Variants in TMEM275 observed in about 807,000 individuals in gnomAD.
TMEM275 encodes the protein transmembrane protein 275.
At chr1:46,534,942 ATACTT>A (rs1218460998) in intron 1 of TMEM275, among the ~76,000 whole-genome samples, 164 bp downstream of exon 1, 1 of 152,206 alleles carries the variant, frequency 6.6e-6, no homozygotes, top group Non-Finnish European at 1.5e-5. Context: ...TGATAATTAA[ATACTT>A]TAAGCTAAAT....
exon 2 of TMEM275, chr1:46,532,956 G>T: frequency 2.5e-6 from 1 of 395,618 alleles, no homozygotes; most frequent in South Asian, 1.3e-4. Flanking sequence ...GAAGGGGAAT[G>T]AACCCGGACA....
Position 46,534,049 on chromosome 1 carries a change from G to C in TMEM275, c.-123-399C>G, listed in dbSNP as rs1240666502. 6.6e-6 allele frequency among the ~76,000 whole-genome samples: 1 copy of C among 152,218 alleles called. No individual in the cohort carries two copies. Among genetic ancestry groups the C allele is most frequent in the East Asian group, 1.9e-4 (1 of 5,178 alleles). Reference sequence around the variant, plus strand: ...CGTCTTCAGTAGTCCTAACTAGTAAGGCAAATGGCAGCTCTTGGGATTTAG... The same window carrying C: ...CGTCTTCAGTAGTCCTAACTAGTAACGCAAATGGCAGCTCTTGGGATTTAG... On this transcript the variant is annotated intron_variant, in intron 1 of 1. Transcript: ENST00000634804.
In TMEM275 at chr1:46,533,566, G is replaced by A. The variant is rs116078607; in HGVS notation, c.-39C>T. ...CCAGGCACGCATCAAGCTCCCTCCT[G>A]CCGCCGGCCCGGAACAGCCCAACTG... is the stretch of plus-strand genomic sequence containing the variant. On this transcript the variant is annotated 5_prime_UTR_variant, in exon 2 of 2. Coordinates refer to ENST00000634804, the Ensembl canonical transcript of TMEM275. The surrounding 1 kb of genome is among the most constrained non-coding windows in gnomAD (Gnocchi z 4.4). 74,736 of 386,088 alleles carry A rather than the reference G, an allele frequency of 0.19. 7,469 individuals are homozygous for A. The highest frequency in any genetic ancestry group is 0.26 in the Admixed American group (5,800 of 22,302). 23.9% of individuals were successfully genotyped at this position (386,088 alleles called of 1,614,324 possible).
chr1:46,533,828 C>T lies in TMEM275; in HGVS notation c.-123-178G>A, dbSNP rs1174281340. ...TGTGAAGAATCGACTTGTTTCCCCA[C>T]CTAGTTCCGGGGGTCCCTCGTGGCC... On this transcript the variant is annotated intron_variant, in intron 1 of 1. Coordinates refer to ENST00000634804, the Ensembl canonical transcript of TMEM275. The surrounding 1 kb of genome is among the most constrained non-coding windows in gnomAD (Gnocchi z 4.4). Among the ~76,000 whole-genome samples the T allele has an allele frequency of 6.6e-6, 1 of 152,212 alleles. No individual in the cohort carries two copies. Among genetic ancestry groups the T allele is most frequent in the Non-Finnish European group, 1.5e-5 (1 of 68,040 alleles).
At position 46,533,012 on chromosome 1, in the gene TMEM275, C is replaced by A. The variant is rs1329706773; in HGVS notation, c.516G>T (p.Arg172=). ...TGGTCCGCTAGGGGGCGGCGCGCGC[C>A]CGGGGTGGGTTGAGCTGGACTCCTT... Residue 172 remains arginine (R), a synonymous_variant, in exon 2 of 2, where the codon CGG becomes CGT. Transcript: ENST00000634804. This position sits in a 1 kb window ranked among gnomAD's most constrained non-coding sequence, Gnocchi z 4.4. 2.5e-6 allele frequency: 1 copy of A among 396,274 alleles called. No individual in the cohort carries two copies. Among genetic ancestry groups the A allele is most frequent in the African/African-American group, 2.1e-5 (1 of 48,474 alleles). 24.5% of individuals were successfully genotyped at this position (396,274 alleles called of 1,614,324 possible).
At chr1:46,534,665 C>T (rs1180098623) in intron 1 of TMEM275, among the ~76,000 whole-genome samples, 82 bp from the exon 2 acceptor site, 8 of 152,130 alleles carry the variant, frequency 5.3e-5, no homozygotes, top group South Asian at 2.1e-4. Flanking sequence ...TGTTCTATAA[C>T]GCATAAGATC....
chr1:46,534,727 T>C (rs1666715163), intron 1 of TMEM275, among the ~76,000 whole-genome samples, 144 bp from the exon 2 acceptor site: 1 of 152,112 alleles, frequency 6.6e-6, no homozygotes, highest in African/African-American at 2.4e-5. Context: ...GTGAGCTGTG[T>C]TAGAATTGTG....
chr1:46,534,259 G>T (rs1476755424), intron 1 of TMEM275, among the ~76,000 whole-genome samples, 196 bp downstream of exon 2: 4 of 152,106 alleles, frequency 2.6e-5, no homozygotes, highest in African/African-American at 4.8e-5. Flanking sequence ...ACTCCGGTAG[G>T]CATAGCAATG....
chr1:46,533,529 G>A lies in TMEM275; in HGVS notation c.-2C>T. On this transcript the variant is annotated 5_prime_UTR_variant, in exon 2 of 2. Coordinates refer to ENST00000634804, the Ensembl canonical transcript of TMEM275. The surrounding 1 kb of genome is among the most constrained non-coding windows in gnomAD (Gnocchi z 4.4). ...CTCGCTCTTTTCTGCCGGCGGCATC[G>A]GCCTGCGCACGCCAGGCACGCATCA... The A allele has an allele frequency of 5.1e-6, 2 of 388,560 alleles. No homozygotes were observed. The highest frequency in any genetic ancestry group is 9.1e-6 in the Non-Finnish European group (2 of 219,472). The allele number at this position is 388,560 out of a possible 1,614,324, so 24.1% of individuals were successfully genotyped here.
exon 2 of TMEM275, chr1:46,532,382 C>G (rs1666678988): frequency 6.6e-6 from 1 of 152,298 alleles, no homozygotes; most frequent in Admixed American, 6.5e-5. Context: ...CACCCCGGCC[C>G]TAATTCTAGG....
chr1:46,532,315 AG>A (rs746720043), exon 2 of TMEM275: 1 of 152,314 alleles, frequency 6.6e-6, no homozygotes, highest in Non-Finnish European at 1.5e-5. Flanking sequence ...CACCTCTGTC[AG>A]GGCCCCAGTC....
At position 46,533,131 on chromosome 1, in the gene TMEM275, C is replaced by G. The variant is rs1466423253; in HGVS notation, c.397G>C (p.Val133Leu). 2.6e-6 allele frequency: 1 copy of G among 389,524 alleles called. No individual in the cohort carries two copies. Among genetic ancestry groups the G allele is most frequent in the South Asian group, 1.3e-4 (1 of 7,806 alleles). The allele number at this position is 389,524 out of a possible 1,614,324, so 24.1% of individuals were successfully genotyped here. A position where few individuals can be genotyped will look rare whatever the true frequency, so the allele number is the denominator to read the frequency against. Reference sequence around the variant, plus strand: ...GAGCAGCCGGAGGACGCGGCGGAGACGGCAGGGCTGAGCTGCACGGCCGTG... The same window carrying G: ...GAGCAGCCGGAGGACGCGGCGGAGAGGGCAGGGCTGAGCTGCACGGCCGTG... The change falls in exon 2 of 2, where the codon GTC (valine) becomes CTC (leucine). Residue 133 changes from valine to leucine, a missense_variant. Coordinates refer to ENST00000634804, the Ensembl canonical transcript of TMEM275. This position sits in a 1 kb window ranked among gnomAD's most constrained non-coding sequence, Gnocchi z 4.4.
chr1:46,534,972 A>G (rs534851276), intron 1 of TMEM275, among the ~76,000 whole-genome samples, 139 bp downstream of exon 1: 36 of 152,324 alleles, frequency 2.4e-4, no homozygotes, highest in African/African-American at 8.4e-4. Context: ...CGCTTAGAAC[A>G]GTGAGTATTT....
chr1:46,532,548 C>T (rs147304160), exon 2 of TMEM275: 31 of 154,092 alleles, frequency 2.0e-4, no homozygotes, highest in Non-Finnish European at 1.6e-4. Context: ...GGCTGACATT[C>T]AACCCTTCTC....
Position 46,533,532 on chromosome 1 carries a change from C to T in TMEM275, c.-5G>A, listed in dbSNP as rs1666700092. On this transcript the variant is annotated 5_prime_UTR_variant, in exon 2 of 2. Transcript: ENST00000634804. The surrounding 1 kb of genome is among the most constrained non-coding windows in gnomAD (Gnocchi z 4.4). ...GCTCTTTTCTGCCGGCGGCATCGGC[C>T]TGCGCACGCCAGGCACGCATCAAGC... is the stretch of plus-strand genomic sequence containing the variant. 1 of 388,692 alleles carries T rather than the reference C, an allele frequency of 2.6e-6. No homozygotes were observed. Among genetic ancestry groups the T allele is most frequent in the East Asian group, 3.7e-5 (1 of 27,272 alleles). The allele number at this position is 388,692 out of a possible 1,614,324, so 24.1% of individuals were successfully genotyped here.
chr1:46,535,514 C>G (rs1666727400), intron 1 of TMEM275, among the ~76,000 whole-genome samples: 1 of 152,156 alleles, frequency 6.6e-6, no homozygotes, highest in South Asian at 2.1e-4. Flanking sequence ...ATAGCAACCA[C>G]TAAAAGGGTA....
chr1:46,533,453 G>A lies in TMEM275; in HGVS notation c.75C>T (p.Gly25=). 2.6e-6 allele frequency: 1 copy of A among 384,804 alleles called. No homozygotes were observed. The highest frequency in any genetic ancestry group is 4.6e-6 in the Non-Finnish European group (1 of 217,128). The allele number at this position is 384,804 out of a possible 1,614,324, so 23.8% of individuals were successfully genotyped here. A position where few individuals can be genotyped will look rare whatever the true frequency, so the allele number is the denominator to read the frequency against. ...CGCAGCACAGCGCCGGCGACGGCAG[G>A]CCGGGCACCCGGCCCCGGGCGCGTT... Residue 25 remains glycine, a synonymous_variant, in exon 2 of 2, where the codon GGC becomes GGT. Transcript: ENST00000634804. The surrounding 1 kb of genome is among the most constrained non-coding windows in gnomAD (Gnocchi z 4.4).
At position 46,533,248 on chromosome 1, in the gene TMEM275, A is replaced by T. The variant is rs1666692580; in HGVS notation, c.280T>A (p.Ser94Thr). 6.1e-6 allele frequency: 2 copies of T among 326,774 alleles called. No homozygotes were observed. The highest frequency in any genetic ancestry group is 4.5e-5 in the African/African-American group (2 of 44,808). The allele number at this position is 326,774 out of a possible 1,614,324, so 20.2% of individuals were successfully genotyped here. A position where few individuals can be genotyped will look rare whatever the true frequency, so the allele number is the denominator to read the frequency against. ...TGGCCCGGGCCCGCCGCGGCCGCCGAGCGCCCACGGGGCGCGAGGCCCCGG... is the reference window on the plus strand; with the variant it reads ...TGGCCCGGGCCCGCCGCGGCCGCCGTGCGCCCACGGGGCGCGAGGCCCCGG... The change falls in exon 2 of 2, where the codon TCG (serine) becomes ACG (threonine). Residue 94 changes from serine (S) to threonine (T), a missense_variant. Physicochemically the swap from Ser to Thr is moderately conservative, Grantham distance 58 (BLOSUM62 1). Transcript: ENST00000634804. The surrounding 1 kb of genome is among the most constrained non-coding windows in gnomAD (Gnocchi z 4.4).
chr1:46,534,827 G>A (rs1283963045), intron 1 of TMEM275, among the ~76,000 whole-genome samples: 2 of 152,154 alleles, frequency 1.3e-5, no homozygotes, highest in Non-Finnish European at 2.9e-5. Flanking sequence ...TGCAGGGTGA[G>A]GAGCAGTGAG....
Sources: allele counts gnomAD v4.1 joint callset (sites outside exome capture counted in the v4.1 genomes callset), GRCh38; gene constraint gnomAD v4.1.1; non-coding constraint Gnocchi (gnomAD v3.1); transcripts MANE v1.5; gene names NCBI Gene and HGNC (gene_info 2026-07-23, HGNC 2026-07-21).